The following RAP1GAP2 variants were observed in gnomAD, a reference collection of about 807,000 sequenced individuals.
The protein encoded by RAP1GAP2 is RAP1 GTPase activating protein 2.
RAP1GAP2 carries 27 observed loss-of-function variants against 95.0 expected under a neutral mutation model. The ratio of observed to expected loss-of-function variants is 0.28; its 90% CI spans 0.21 to 0.39. The LOEUF (loss-of-function observed/expected upper bound fraction) is 0.39. Among genes scored for constraint, RAP1GAP2 ranks in the 10% least tolerant of loss-of-function variants. RAP1GAP2 has a pLI of 1.00. For missense variants in RAP1GAP2, 771 were observed against 970.0 expected, an observed-to-expected ratio of 0.79 and a Z score of 2.72; for synonymous variants, 373 against 380.9, an observed-to-expected ratio of 0.98 and a Z score of 0.24.
At chr17:2,916,270 C>T (rs1193484795) in intron 3 of RAP1GAP2, among the ~76,000 whole-genome samples, 3 of 152,264 alleles carry the variant, frequency 2.0e-5, no homozygotes, top group East Asian at 1.9e-4. Flanking sequence ...ACGTGCCATC[C>T]GTGCCGTCAG....
At chr17:2,890,778 G>A (rs1597526922) in intron 2 of RAP1GAP2, among the ~76,000 whole-genome samples, 1 of 151,066 alleles carries the variant, frequency 6.6e-6, no homozygotes, top group Middle Eastern at 3.4e-3. Flanking sequence ...TCCGCCTCCT[G>A]GGTTCACACC....
intron 1 of RAP1GAP2, among the ~76,000 whole-genome samples, chr17:2,769,920 A>G (rs2151434074): frequency 1.3e-5 from 2 of 151,996 alleles, no homozygotes; most frequent in Admixed American, 1.3e-4. Context: ...TAAAAATACA[A>G]AAATTAGCGA....
intron 1 of RAP1GAP2, among the ~76,000 whole-genome samples, chr17:2,787,282 C>T (rs8081463): frequency 0.018 from 1,868 of 105,176 alleles, 44 homozygotes; most frequent in African/African-American, 0.053. Flanking sequence ...TTTTTTTTTT[C>T]GAGACAGAGT....
intron 3 of RAP1GAP2, among the ~76,000 whole-genome samples, chr17:2,911,521 G>T (rs998384176): frequency 2.0e-5 from 3 of 151,994 alleles, no homozygotes; most frequent in African/African-American, 7.3e-5. Context: ...ATTGTGCTGG[G>T]TCCCCTGGGT....
chr17:2,997,907 A>G (rs2046014750), intron 13 of RAP1GAP2, among the ~76,000 whole-genome samples: 1 of 148,078 alleles, frequency 6.8e-6, no homozygotes, highest in African/African-American at 2.5e-5. Flanking sequence ...TGGGCAACAC[A>G]GTGAGACCCT....
At chr17:3,022,554 T>A (rs1019584910) in intron 19 of RAP1GAP2, among the ~76,000 whole-genome samples, 2 of 152,258 alleles carry the variant, frequency 1.3e-5, no homozygotes, top group Non-Finnish European at 2.9e-5. Context: ...TCTATTCATG[T>A]TTCTTGCCCT....
At chr17:2,962,742 A>C in intron 5 of RAP1GAP2, 28 bp downstream of exon 5, 1 of 1,577,588 alleles carries the variant, frequency 6.3e-7, no homozygotes, top group Non-Finnish European at 8.6e-7. Flanking sequence ...GGGGGTGGCC[A>C]GACGGCCCTG....
At chr17:2,886,276 G>A (rs907585018) in intron 2 of RAP1GAP2, among the ~76,000 whole-genome samples, 2 of 150,834 alleles carry the variant, frequency 1.3e-5, no homozygotes, top group African/African-American at 2.4e-5. Flanking sequence ...AGATTTAAGC[G>A]ATTCTTTTGC....
At chr17:2,779,475 T>G (rs2068586046) in intron 1 of RAP1GAP2, among the ~76,000 whole-genome samples, 1 of 152,186 alleles carries the variant, frequency 6.6e-6, no homozygotes, top group South Asian at 2.1e-4. Flanking sequence ...GCCAGACTGC[T>G]GACCTGGTCA....
chr17:2,990,336 GA>G (rs1473959283), intron 11 of RAP1GAP2, among the ~76,000 whole-genome samples: 21 of 152,316 alleles, frequency 1.4e-4, no homozygotes, highest in Non-Finnish European at 2.2e-4. Context: ...ATCATTTGGT[GA>G]CTCTGTTTAG....
chr17:3,019,440 G>C lies in RAP1GAP2; in HGVS notation c.1633-1037G>C, dbSNP rs184307833. Among the ~76,000 whole-genome samples the C allele has an allele frequency of 3.6e-3, 546 of 152,082 alleles. 7 individuals are homozygous for C. The highest frequency in any genetic ancestry group is 0.013 in the African/African-American group (523 of 41,474). On this transcript the variant is annotated intron_variant, in intron 18 of 24. Coordinates refer to ENST00000254695, the MANE Select transcript of RAP1GAP2 (RefSeq NM_015085.5). ...AGGTGGGAGGATCACCTGTGCCTGG[G>C]GAGGTTGAGGCTCTAGCGAGCCGTA... is the stretch of plus-strand genomic sequence containing the variant.
chr17:2,886,059 G>A (rs1049333597), intron 2 of RAP1GAP2, among the ~76,000 whole-genome samples: 8 of 152,056 alleles, frequency 5.3e-5, no homozygotes, highest in African/African-American at 1.7e-4. Context: ...AGATGCGGCA[G>A]GGCCTTCCCC....
chr17:2,927,317 C>T (rs34065761), intron 3 of RAP1GAP2, among the ~76,000 whole-genome samples: 1 of 152,012 alleles, frequency 6.6e-6, no homozygotes, highest in Non-Finnish European at 1.5e-5. Flanking sequence ...CCGCGCCCGG[C>T]TAATTTTTTG....
chr17:2,756,463 C>T (rs536262037), intron 1 of RAP1GAP2, among the ~76,000 whole-genome samples: 1 of 152,328 alleles, frequency 6.6e-6, no homozygotes, highest in African/African-American at 2.4e-5. Context: ...ATCTGGGCCC[C>T]CGAACCCACG....
chr17:2,812,336 T>TG (rs1016156464), intron 2 of RAP1GAP2, among the ~76,000 whole-genome samples: 22 of 152,140 alleles, frequency 1.4e-4, no homozygotes, highest in Non-Finnish European at 2.8e-4. Context: ...CTCTGAGTCA[T>TG]GGGGGGGTGG....
At position 2,902,052 on chromosome 17, in the gene RAP1GAP2, G is replaced by A. The variant is rs1006954240; in HGVS notation, c.81-3232G>A. On this transcript the variant is annotated intron_variant, in intron 2 of 24. Coordinates refer to ENST00000254695, the MANE Select transcript of RAP1GAP2 (RefSeq NM_015085.5). This position sits in a 1 kb window ranked among gnomAD's most constrained non-coding sequence, Gnocchi z 4.1. ...TCCAAAATCAAGGTGTCAGCAGGGC[G>A]ACGCTCCCTCTGCAGGCTCTAGGGA... Among the ~76,000 whole-genome samples, 1 of 152,302 alleles carries A rather than the reference G, an allele frequency of 6.6e-6. No homozygotes were observed. Among genetic ancestry groups the A allele is most frequent in the Admixed American group, 6.5e-5 (1 of 15,298 alleles).
chr17:2,820,892 G>GTTT (rs59814346), intron 2 of RAP1GAP2, among the ~76,000 whole-genome samples: 8 of 104,086 alleles, frequency 7.7e-5, no homozygotes, highest in African/African-American at 2.0e-4. Flanking sequence ...CCGGATAATG[G>GTTT]TTTTTTTTTT....
intron 2 of RAP1GAP2, among the ~76,000 whole-genome samples, chr17:2,839,265 A>G (rs1290226909): frequency 1.3e-5 from 2 of 152,062 alleles, no homozygotes; most frequent in African/African-American, 4.8e-5. Flanking sequence ...AGCCGAGGTC[A>G]CGCCACTGCA....
intron 8 of RAP1GAP2, among the ~76,000 whole-genome samples, chr17:2,971,585 T>A (rs537557808): frequency 3.3e-5 from 5 of 152,150 alleles, no homozygotes; most frequent in African/African-American, 9.6e-5. Flanking sequence ...ATAAAAATAA[T>A]AATAATACAG....
Sources: allele counts gnomAD v4.1 joint callset (sites outside exome capture counted in the v4.1 genomes callset), GRCh38; gene constraint gnomAD v4.1.1; non-coding constraint Gnocchi (gnomAD v3.1); transcripts MANE v1.5; gene names NCBI Gene and HGNC (gene_info 2026-07-23, HGNC 2026-07-21).